Variants in MAGI1 observed in about 807,000 individuals in gnomAD.
MAGI1 encodes the protein membrane associated guanylate kinase, WW and PDZ domain containing 1, also known as membrane-associated guanylate kinase, WW and PDZ domain-containing protein 1.
MAGI1 carries 58 observed loss-of-function variants against 139.9 expected under a neutral mutation model. The observed-to-expected ratio is 0.41, with a 90% CI of 0.34 to 0.52. The LOEUF (loss-of-function observed/expected upper bound fraction) is 0.52. Among genes scored for constraint, MAGI1 ranks in the 20% least tolerant of loss-of-function variants. The probability of loss-of-function intolerance (pLI) is 0.12; values close to 1 mark genes in which losing one functional copy is unlikely to be tolerated. For synonymous variants in MAGI1, 812 were observed against 737.9 expected (o/e 1.10, Z -1.63); for missense variants, 1,874 against 1,901.6 (o/e 0.99, Z 0.27).
chr3:65,963,652 T>C (rs1209857617), intron 1 of MAGI1, among the ~76,000 whole-genome samples: 2 of 152,092 alleles, frequency 1.3e-5, no homozygotes, highest in Admixed American at 6.6e-5. Context: ...GACAATGTAA[T>C]GTAGGATGGG....
intron 1 of MAGI1, among the ~76,000 whole-genome samples, chr3:65,773,812 T>TTA (rs1299880979): frequency 6.6e-6 from 1 of 152,216 alleles, no homozygotes; most frequent in Non-Finnish European, 1.5e-5. Flanking sequence ...TAATCATACT[T>TTA]GAGTCTTTCA....
chr3:65,510,248 T>A (rs2107746719), intron 2 of MAGI1, among the ~76,000 whole-genome samples: 1 of 152,236 alleles, frequency 6.6e-6, no homozygotes, highest in African/African-American at 2.4e-5. Flanking sequence ...GCAGAGCGCC[T>A]CTCCTCCTCC....
At chr3:65,735,732 CCACAGT>C (rs1277176324) in intron 1 of MAGI1, among the ~76,000 whole-genome samples, 1 of 152,142 alleles carries the variant, frequency 6.6e-6, no homozygotes, top group Non-Finnish European at 1.5e-5. Flanking sequence ...CAAGGAGGCT[CCACAGT>C]TAAAGATTCT....
At chr3:65,822,514 C>A (rs538762123) in intron 1 of MAGI1, among the ~76,000 whole-genome samples, 2 of 151,816 alleles carry the variant, frequency 1.3e-5, no homozygotes, top group East Asian at 3.9e-4. Context: ...GGCAACAGAG[C>A]GAGACTCTGT....
At chr3:65,703,974 T>A (rs1388579717) in intron 1 of MAGI1, among the ~76,000 whole-genome samples, 5 of 152,160 alleles carry the variant, frequency 3.3e-5, no homozygotes, top group Non-Finnish European at 5.9e-5. Context: ...TTCAGTGAGT[T>A]TTTTTGGGAA....
At chr3:65,976,367 G>A (rs1054504272) in intron 1 of MAGI1, among the ~76,000 whole-genome samples, 4 of 152,168 alleles carry the variant, frequency 2.6e-5, no homozygotes, top group African/African-American at 9.7e-5. Context: ...GGTGGCTCAT[G>A]CCTGTAATCC....
intron 1 of MAGI1, among the ~76,000 whole-genome samples, chr3:65,713,422 C>T (rs559356154): frequency 5.3e-5 from 8 of 152,150 alleles, no homozygotes; most frequent in African/African-American, 1.9e-4. Context: ...CCCTATCAAG[C>T]TGCAAGAGAG....
intron 1 of MAGI1, chr3:65,687,275 C>T (rs769917557): frequency 1.3e-4 from 24 of 191,822 alleles, no homozygotes; most frequent in Admixed American, 3.6e-4. Context: ...GTGATTGATG[C>T]GGCTTCCATT....
rs530195578 is a variant in MAGI1 at position 65,906,928 on chromosome 3, C to CA, written c.313+131067dup. 9.4e-3 allele frequency among the ~76,000 whole-genome samples: 1,311 copies of CA among 138,898 alleles called. 9 individuals are homozygous for CA. The highest frequency in any genetic ancestry group is 0.025 in the African/African-American group (960 of 37,834). 91.1% of individuals were successfully genotyped at this position (138,898 alleles called of 152,430 possible). ...CTACAGACATCCTAGTAAATTTTGG[C>CA]AAAAAAAAAAGAAAAAGAACTTGAC... is the stretch of plus-strand genomic sequence containing the variant. On this transcript the variant is annotated intron_variant, in intron 1 of 22. Transcript: ENST00000402939.
chr3:66,013,420 G>GA (rs1268246254), intron 1 of MAGI1, among the ~76,000 whole-genome samples: 52 of 95,250 alleles, frequency 5.5e-4, no homozygotes, highest in East Asian at 2.1e-3. Context: ...AAAAAAAAAA[G>GA]AAAAAAAAAA....
intron 1 of MAGI1, among the ~76,000 whole-genome samples, chr3:66,018,714 G>T (rs775286684): frequency 6.6e-6 from 1 of 152,172 alleles, no homozygotes; most frequent in South Asian, 2.1e-4. Flanking sequence ...CTGAGTGCTC[G>T]GGGTCTTAAT....
intron 1 of MAGI1, among the ~76,000 whole-genome samples, chr3:65,813,147 G>A (rs1157244383): frequency 6.6e-6 from 1 of 152,162 alleles, no homozygotes; most frequent in African/African-American, 2.4e-5. Context: ...TCCAAAAGGA[G>A]TGAGAGGTGA....
At chr3:65,373,798 T>C (rs576268030) in intron 18 of MAGI1, among the ~76,000 whole-genome samples, 10 of 152,328 alleles carry the variant, frequency 6.6e-5, no homozygotes, top group African/African-American at 2.2e-4. Context: ...TGACTAACCA[T>C]GCATTTGAAG....
chr3:65,936,435 C>T (rs1014008946), intron 1 of MAGI1, among the ~76,000 whole-genome samples: 1 of 151,936 alleles, frequency 6.6e-6, no homozygotes, highest in East Asian at 1.9e-4. Flanking sequence ...GGCAGGAGTT[C>T]GAGACCAGCC....
At chr3:65,589,806 C>T (rs1453500124) in intron 2 of MAGI1, among the ~76,000 whole-genome samples, 2 of 151,400 alleles carry the variant, frequency 1.3e-5, no homozygotes, top group African/African-American at 4.9e-5. Context: ...CTTGAATGAC[C>T]CTTGCTTTAG....
At chr3:65,713,941 A>C (rs893862922) in intron 1 of MAGI1, among the ~76,000 whole-genome samples, 7 of 152,198 alleles carry the variant, frequency 4.6e-5, no homozygotes, top group Non-Finnish European at 8.8e-5. Flanking sequence ...TTAAAATAAA[A>C]TAACATTATT....
chr3:65,863,746 C>T (rs1002265829), intron 1 of MAGI1, among the ~76,000 whole-genome samples: 3 of 152,130 alleles, frequency 2.0e-5, no homozygotes, highest in Non-Finnish European at 2.9e-5. Context: ...ATAATCTAAA[C>T]GCAACCCAAA....
chr3:65,618,447 C>T (rs1023217869), intron 2 of MAGI1, among the ~76,000 whole-genome samples: 1 of 152,120 alleles, frequency 6.6e-6, no homozygotes, highest in Non-Finnish European at 1.5e-5. Flanking sequence ...CAGTGAATTA[C>T]TTGAACATCA....
chr3:65,388,834 ATTTTTTTTTTT>A (rs35579495), intron 14 of MAGI1, among the ~76,000 whole-genome samples: 3 of 91,910 alleles, frequency 3.3e-5, no homozygotes, highest in African/African-American at 4.9e-5. Context: ...ACCATTCCGA[ATTTTTTTTTTT>A]TTTTTTTTTT....
Sources: gnomAD v4.1 joint callset for allele counts (sites outside exome capture counted in the v4.1 genomes callset) on GRCh38, gnomAD v4.1.1 for gene constraint, MANE v1.5 for transcripts, NCBI Gene and HGNC (gene_info 2026-07-23, HGNC 2026-07-21) for gene names.